The following SFTPC variants were observed in gnomAD, a reference collection of about 807,000 sequenced individuals.
SFTPC encodes the protein BRICHOS domain containing 6.
SFTPC carries 12 observed loss-of-function variants against 19.9 expected under a neutral mutation model. That is an observed-to-expected ratio of 0.60 (90% CI 0.39 to 0.98). The LOEUF (loss-of-function observed/expected upper bound fraction) is 0.98. SFTPC is among the 50% of genes least tolerant of loss of function. The pLI, the probability that SFTPC is intolerant of heterozygous loss-of-function variation, is 0.00. For missense variants in SFTPC, 219 were observed against 252.2 expected, an observed-to-expected ratio of 0.87 and a Z score of 0.89; for synonymous variants, 123 against 103.3, an observed-to-expected ratio of 1.19 and a Z score of -1.16.
intron 2 of SFTPC, 84 bp downstream of exon 2, chr8:22,162,816 A>G: frequency 1.3e-6 from 2 of 1,562,764 alleles, no homozygotes; most frequent in South Asian, 2.2e-5. Context: ...GAAACTGTCC[A>G]AGGGGAGTGG....
intron 3 of SFTPC, 106 bp downstream of exon 3, chr8:22,163,308 CT>C: frequency 1.9e-6 from 3 of 1,560,076 alleles, no homozygotes; most frequent in Admixed American, 1.7e-5. Flanking sequence ...TCCTCCAGAC[CT>C]TTTTTGCCTG....
At position 22,163,997 on chromosome 8, in the gene SFTPC, G is replaced by A. The variant is rs757050514; in HGVS notation, c.532G>A (p.Ala178Thr). ...AGGGGACCCGGCCTTCCTGGGCATG[G>A]CCGTGAGCACCCTGTGTGGCGAGGT... ...SGGDPAFLGMAVSTLCGEVPL... is the reference protein window; with the variant it reads ...SGGDPAFLGMTVSTLCGEVPL... The change falls in exon 5 of 6, where the codon GCC (alanine) becomes ACC (threonine). Residue 178 changes from alanine to threonine, a missense_variant. Ala to Thr is a moderately conservative substitution (Grantham distance 58). Coordinates refer to ENST00000679463, the MANE Select transcript of SFTPC (RefSeq NM_001317778.2). The A allele has an allele frequency of 9.3e-6, 15 of 1,612,576 alleles. No individual in the cohort carries two copies. The highest frequency in any genetic ancestry group is 8.5e-6 in the Non-Finnish European group (10 of 1,180,032).
upstream of SFTPC, among the ~76,000 whole-genome samples, chr8:22,161,296 C>T (rs1332584898): frequency 6.6e-6 from 1 of 152,130 alleles, no homozygotes; most frequent in Non-Finnish European, 1.5e-5. Context: ...TTATGAAACC[C>T]CGAAAACTGA....
upstream of SFTPC, chr8:22,159,893 TG>T: frequency 1.1e-6 from 1 of 890,224 alleles, no homozygotes. Flanking sequence ...GCCAGGATGA[TG>T]GGGGCGGGAG....
chr8:22,159,985 G>A (rs8192316), upstream of SFTPC: 20 of 473,644 alleles, frequency 4.2e-5, 1 homozygote, highest in South Asian at 1.5e-4. Context: ...AGCTGAGGCC[G>A]AGCTGAGAGG....
In SFTPC at chr8:22,164,358, C is replaced by G. The variant is rs565381858; in HGVS notation, c.*111C>G. 3.0e-4 allele frequency: 466 copies of G among 1,535,602 alleles called. 1 individual carries two copies. The highest frequency in any genetic ancestry group is 1.5e-3 in the South Asian group (126 of 84,054). On this transcript the variant is annotated 3_prime_UTR_variant, in exon 6 of 6. Coordinates refer to ENST00000679463, the MANE Select transcript of SFTPC (RefSeq NM_001317778.2). ...GGGCAAGAAGCTGCTTCTGCCCACA[C>G]CGCAGGGACAAGCCCTGGAGAAATG...
chr8:22,159,427 A>C, upstream of SFTPC: 1 of 278,442 alleles, frequency 3.6e-6, no homozygotes, highest in South Asian at 3.0e-5. Context: ...GGGGAGGGGG[A>C]AATTTGGCAC....
Position 22,163,487 on chromosome 8 carries a change from A to G in SFTPC, c.376A>G (p.Ile126Val), listed in dbSNP as rs1168400028. The G allele has an allele frequency of 1.2e-6, 2 of 1,613,984 alleles. No homozygotes were observed. The highest frequency in any genetic ancestry group is 2.7e-5 in the African/African-American group (2 of 74,948). ...APGTCCYIMK[I>V]APESIPSLEA... ...TGGCACCTGCTGCTACATCATGAAG[A>G]TAGCTCCAGAGAGCATCCCCAGTCT... is the stretch of plus-strand genomic sequence containing the variant. Residue 126 changes from isoleucine (I) to valine (V), a missense_variant, in exon 4 of 6, where the codon ATA (isoleucine) becomes GTA (valine). Coordinates refer to ENST00000679463, the MANE Select transcript of SFTPC (RefSeq NM_001317778.2).
upstream of SFTPC, chr8:22,161,695 G>C (rs28438700): frequency 0.012 from 18,693 of 1,607,154 alleles, 1,806 homozygotes; most frequent in African/African-American, 0.22. Flanking sequence ...GAACAAACAG[G>C]CTTCAAAGCC....
upstream of SFTPC, chr8:22,159,108 G>A (rs74593468): frequency 3.9e-5 from 6 of 152,520 alleles, no homozygotes; most frequent in Non-Finnish European, 5.9e-5. Flanking sequence ...GCCTGTTTGG[G>A]TGGGTGGCAT....
upstream of SFTPC, among the ~76,000 whole-genome samples, chr8:22,157,972 CA>C (rs1827562948): frequency 6.6e-6 from 1 of 152,154 alleles, no homozygotes; most frequent in Admixed American, 6.5e-5. Context: ...TGGGGGTCCT[CA>C]ATACTTTTTG....
chr8:22,163,988 C>G lies in SFTPC; in HGVS notation c.523C>G (p.Leu175Val), dbSNP rs201685063. The change falls in exon 5 of 6, where the codon CTG (leucine) becomes GTG (valine). Residue 175 changes from leucine (L) to valine (V), a missense_variant. Leu to Val is a conservative substitution (Grantham distance 32, BLOSUM62 1). Coordinates refer to ENST00000679463, the MANE Select transcript of SFTPC (RefSeq NM_001317778.2). ...ACCCTCCGGAGGGGACCCGGCCTTC[C>G]TGGGCATGGCCGTGAGCACCCTGTG... The part of the protein sequence containing the change: ...SAPSGGDPAF[L>V]GMAVSTLCGE... The G allele has an allele frequency of 4.2e-4, 679 of 1,612,686 alleles. No homozygotes were observed. Among genetic ancestry groups the G allele is most frequent in the Non-Finnish European group, 5.1e-4 (597 of 1,180,004 alleles).
At chr8:22,161,385 C>T (rs1459345367), upstream of SFTPC, among the ~76,000 whole-genome samples, 1 of 152,326 alleles carries the variant, frequency 6.6e-6, no homozygotes, top group Non-Finnish European at 1.5e-5. Flanking sequence ...TCCTGGAGCG[C>T]ATCCCTATGT....
rs753056063 is a variant in SFTPC, at chr8:22,163,803, C to A, written c.436-98C>A. 7.7e-6 allele frequency: 9 copies of A among 1,161,664 alleles called. No homozygotes were observed. In the Admixed American group the frequency reaches 1.1e-4, roughly 14 times the overall value. The allele number at this position is 1,161,664 out of a possible 1,614,324, so 72.0% of individuals were successfully genotyped here. ...CTCTTTACTGATGAGAAAACTGAGG[C>A]TCAGAGAGATTGCCTGATATACCTG... On this transcript the variant is annotated intron_variant, in intron 4 of 5. Transcript: ENST00000679463.
At chr8:22,161,903 G>C (rs1827742073) in intron 1 of SFTPC, 33 bp downstream of exon 1, 1 of 1,605,132 alleles carries the variant, frequency 6.2e-7, no homozygotes, top group African/African-American at 1.3e-5. Flanking sequence ...ATGTATGTGT[G>C]CGCGCGCACA....
At position 22,163,386 on chromosome 8, in the gene SFTPC, G is replaced by C. The variant is rs769416910; in HGVS notation, c.325-50G>C. On this transcript the variant is annotated intron_variant, in intron 3 of 5. Coordinates refer to ENST00000679463, the MANE Select transcript of SFTPC (RefSeq NM_001317778.2). ...GAGGTGGCTAAGGACCTGGGTCAGGGAGAGAGCAGGGCAGGGACCCCCGAA... is the reference window on the plus strand; with the variant it reads ...GAGGTGGCTAAGGACCTGGGTCAGGCAGAGAGCAGGGCAGGGACCCCCGAA... 3.9e-6 allele frequency: 6 copies of C among 1,555,478 alleles called. No individual in the cohort carries two copies. In the Admixed American group the frequency reaches 5.1e-5, roughly 13 times the overall value.
intron 5 of SFTPC, 94 bp downstream of exon 5, chr8:22,164,153 C>T: frequency 6.4e-7 from 1 of 1,558,252 alleles, no homozygotes; most frequent in Non-Finnish European, 8.7e-7. Context: ...GGCGCTGGGG[C>T]GTCCACTGAA....
chr8:22,163,122 C>G lies in SFTPC; in HGVS notation c.244C>G (p.Leu82Val). 1 of 1,614,188 alleles carries G rather than the reference C, an allele frequency of 6.2e-7. No homozygotes were observed. Among genetic ancestry groups the G allele is most frequent in the South Asian group, 1.1e-5 (1 of 91,088 alleles). ...TGGGGCGCCGGAAGCCCAGCAACGC[C>G]TGGCCCTGAGTGAGCACCTGGTTAC... ...SIGAPEAQQRLALSEHLVTTA... is the reference protein window; with the variant it reads ...SIGAPEAQQRVALSEHLVTTA... The change falls in exon 3 of 6, where the codon CTG becomes GTG. Residue 82 changes from leucine to valine, a missense_variant. Physicochemically the swap from Leu to Val is conservative, Grantham distance 32 (BLOSUM62 1). Coordinates refer to ENST00000679463, the MANE Select transcript of SFTPC (RefSeq NM_001317778.2).
At chr8:22,162,799 G>A (rs2131815880) in intron 2 of SFTPC, 67 bp downstream of exon 2, 3 of 1,592,914 alleles carry the variant, frequency 1.9e-6, no homozygotes, top group East Asian at 2.2e-5. Flanking sequence ...GGTGGGATGG[G>A]CGATAGGAAA....
Sources: gnomAD v4.1 joint callset for allele counts (sites outside exome capture counted in the v4.1 genomes callset) on GRCh38, gnomAD v4.1.1 for gene constraint, MANE v1.5 for transcripts, NCBI Gene and HGNC (gene_info 2026-07-23, HGNC 2026-07-21) for gene names.